ITGA8: variants seen among roughly 807,000 people sequenced by gnomAD.
ITGA8 encodes the protein integrin subunit alpha 8.
In ITGA8, 91 loss-of-function variants were observed where a neutral mutation model predicts 142.3. That is an observed-to-expected ratio of 0.64 (90% CI 0.54 to 0.76). The LOEUF (loss-of-function observed/expected upper bound fraction) is 0.76. Ranked by LOEUF, ITGA8 falls within the 30% of genes least tolerant of loss-of-function variation. The probability of loss-of-function intolerance (pLI) is 0.00; values close to 1 mark genes in which losing one functional copy is unlikely to be tolerated. For missense variants in ITGA8, 1,406 were observed against 1,327.7 expected (o/e 1.06, Z -0.92); for synonymous variants, 505 against 485.2 (o/e 1.04, Z -0.54).
At position 15,644,157 on chromosome 10, in the gene ITGA8, C is replaced by G; in HGVS notation, c.1272G>C (p.Gly424=). 1.2e-6 allele frequency: 2 copies of G among 1,614,092 alleles called. No individual in the cohort carries two copies. The highest frequency in any genetic ancestry group is 1.7e-6 in the Non-Finnish European group (2 of 1,180,010). ...GCTTGGTGTTTAAGCCATCTTTGTT[C>G]CCATTATAAATGAGCACTTTGCCTC... is the stretch of plus-strand genomic sequence containing the variant. ...DQRGKVLIYN[G]NKDGLNTKPS... Residue 424 remains glycine (G), a synonymous_variant, in exon 13 of 30, where the codon GGG becomes GGC. Transcript: ENST00000378076.
chr10:15,645,338 GCTT>G (rs1216564757), intron 12 of ITGA8, among the ~76,000 whole-genome samples: 2 of 152,006 alleles, frequency 1.3e-5, no homozygotes, highest in Non-Finnish European at 1.5e-5. Context: ...CATTTAGAAT[GCTT>G]CTTTTATCTT....
intron 24 of ITGA8, among the ~76,000 whole-genome samples, chr10:15,574,549 C>A (rs553458095): frequency 6.6e-6 from 1 of 152,118 alleles, no homozygotes; most frequent in South Asian, 2.1e-4. Context: ...CGCCACCAAG[C>A]CCAGCTAATT....
chr10:15,622,359 C>CA (rs1554778857), intron 13 of ITGA8, among the ~76,000 whole-genome samples: 16 of 151,402 alleles, frequency 1.1e-4, no homozygotes, highest in Non-Finnish European at 1.5e-4. Flanking sequence ...TGGACATCTT[C>CA]TTTTTTTTGG....
At chr10:15,678,951 A>AT (rs1445142733) in intron 4 of ITGA8, among the ~76,000 whole-genome samples, 168 bp from the exon 5 acceptor site, 1 of 152,212 alleles carries the variant, frequency 6.6e-6, no homozygotes. Flanking sequence ...TTTATTAAAC[A>AT]TATTTCTGTC....
intron 27 of ITGA8, among the ~76,000 whole-genome samples, chr10:15,538,882 A>G (rs1411132407): frequency 6.6e-6 from 1 of 151,526 alleles, no homozygotes; most frequent in Non-Finnish European, 1.5e-5. Context: ...TGAACTCAGG[A>G]CAACTTGTAT....
intron 4 of ITGA8, among the ~76,000 whole-genome samples, chr10:15,680,130 C>G (rs918584124): frequency 1.3e-5 from 2 of 151,718 alleles, no homozygotes; most frequent in Admixed American, 1.3e-4. Context: ...TCCGGCTTCC[C>G]TTAGAATGTC....
chr10:15,663,882 C>G (rs1324558841), intron 8 of ITGA8, among the ~76,000 whole-genome samples: 1 of 152,086 alleles, frequency 6.6e-6, no homozygotes, highest in Non-Finnish European at 1.5e-5. Context: ...CAACAATACT[C>G]CTAATGCCAC....
chr10:15,692,655 C>T (rs1416879132), intron 2 of ITGA8, among the ~76,000 whole-genome samples: 4 of 152,210 alleles, frequency 2.6e-5, no homozygotes, highest in African/African-American at 9.6e-5. Context: ...CATGTCTACA[C>T]AGCCACAGTA....
intron 13 of ITGA8, among the ~76,000 whole-genome samples, chr10:15,628,496 C>A (rs535469900): frequency 6.6e-6 from 1 of 151,676 alleles, no homozygotes; most frequent in East Asian, 1.9e-4. Context: ...CCACGCCTGG[C>A]TAATTTTTTA....
chr10:15,635,003 C>CTTTCTTTT (rs1833747289), intron 13 of ITGA8, among the ~76,000 whole-genome samples: 1 of 107,234 alleles, frequency 9.3e-6, no homozygotes, highest in African/African-American at 3.5e-5. Flanking sequence ...TTCTTTCTTT[C>CTTTCTTTT]TTTTTTTTTT....
At chr10:15,666,746 C>T (rs1238266307) in intron 8 of ITGA8, among the ~76,000 whole-genome samples, 1 of 152,106 alleles carries the variant, frequency 6.6e-6, no homozygotes, top group Middle Eastern at 3.2e-3. Context: ...TGAATTTTGT[C>T]AAAGGCCTTT....
chr10:15,606,316 T>G lies in ITGA8; in HGVS notation c.1871A>C (p.Asn624Thr), dbSNP rs150056970. Residue 624 changes from asparagine (N) to threonine (T), a missense_variant, in exon 18 of 30, where the codon AAC (asparagine) becomes ACC (threonine). Coordinates refer to ENST00000378076, the MANE Select transcript of ITGA8 (RefSeq NM_003638.3). Reference sequence around the variant, plus strand: ...ACTAACAATGTTTTCTCTGTAGTAGTTCAATATTGGTTTCACTTCCAGGCC... The same window carrying G: ...ACTAACAATGTTTTCTCTGTAGTAGGTCAATATTGGTTTCACTTCCAGGCC... ...KEGLEVKPIL[N>T]YYRENIVSEQ... is the part of the protein sequence containing the mutation. The G allele has an allele frequency of 5.0e-5, 81 of 1,612,132 alleles. No homozygotes were observed. The East Asian group carries it at 1.8e-3, about 36-fold the overall frequency.
intron 22 of ITGA8, among the ~76,000 whole-genome samples, chr10:15,588,485 G>A (rs1265317942): frequency 6.6e-6 from 1 of 152,106 alleles, no homozygotes; most frequent in African/African-American, 2.4e-5. Flanking sequence ...TTAAGGCAGT[G>A]TTCTGAATTC....
intron 28 of ITGA8, among the ~76,000 whole-genome samples, chr10:15,528,506 C>CTTT (rs35960573): frequency 1.4e-4 from 18 of 127,228 alleles, no homozygotes; most frequent in South Asian, 7.9e-4. Flanking sequence ...GATAAAAAGT[C>CTTT]TTTTTTTTTT....
intron 19 of ITGA8, among the ~76,000 whole-genome samples, 175 bp from the exon 20 acceptor site, chr10:15,604,530 C>A (rs1833159010): frequency 7.9e-6 from 1 of 126,998 alleles, no homozygotes; most frequent in Non-Finnish European, 1.6e-5. Context: ...GTAAAAAGGG[C>A]AGGAAAACAC....
chr10:15,624,769 C>G (rs1248060462), intron 13 of ITGA8, among the ~76,000 whole-genome samples: 3 of 152,068 alleles, frequency 2.0e-5, no homozygotes, highest in African/African-American at 7.2e-5. Flanking sequence ...TAAACCAACC[C>G]AAGGTTGGCT....
intron 8 of ITGA8, among the ~76,000 whole-genome samples, chr10:15,668,857 T>C (rs935512220): frequency 3.9e-5 from 6 of 152,246 alleles, no homozygotes; most frequent in African/African-American, 1.4e-4. Context: ...CCCCACTCTC[T>C]TCTGGCTAGT....
At chr10:15,545,353 A>G (rs1160003509) in intron 27 of ITGA8, among the ~76,000 whole-genome samples, 2 of 152,122 alleles carry the variant, frequency 1.3e-5, no homozygotes, top group Non-Finnish European at 2.9e-5. Context: ...CACTTGCTCC[A>G]CTGTTTTGCC....
intron 24 of ITGA8, among the ~76,000 whole-genome samples, chr10:15,574,806 C>T (rs1413670126): frequency 6.6e-6 from 1 of 151,402 alleles, no homozygotes; most frequent in South Asian, 2.1e-4. Flanking sequence ...GAGTGGGTAA[C>T]CTTCAGTTTA....
Sources: allele counts gnomAD v4.1 joint callset (sites outside exome capture counted in the v4.1 genomes callset), GRCh38; gene constraint gnomAD v4.1.1; transcripts MANE v1.5; gene names NCBI Gene and HGNC (gene_info 2026-07-23, HGNC 2026-07-21).